Variants in THSD7B observed in about 807,000 individuals in gnomAD.
The protein encoded by THSD7B is thrombospondin type 1 domain containing 7B.
THSD7B carries 138 observed loss-of-function variants against 213.6 expected under a neutral mutation model. That is an observed-to-expected ratio of 0.65 (90% CI 0.56 to 0.74). The LOEUF (loss-of-function observed/expected upper bound fraction) is 0.74. Among genes scored for constraint, THSD7B ranks in the 30% least tolerant of loss-of-function variants. The probability of loss-of-function intolerance (pLI) is 0.00; values close to 1 mark genes in which losing one functional copy is unlikely to be tolerated. For synonymous variants in THSD7B, 742 were observed against 687.0 expected, an observed-to-expected ratio of 1.08 and a Z score of -1.25; for missense variants, 1,931 against 1,991.5, an observed-to-expected ratio of 0.97 and a Z score of 0.58.
intron 2 of THSD7B, among the ~76,000 whole-genome samples, chr2:136,884,286 T>C (rs1213770839): frequency 6.6e-6 from 1 of 152,224 alleles, no homozygotes; most frequent in African/African-American, 2.4e-5. Flanking sequence ...GCAGTGACCC[T>C]GAACTGTATC....
At chr2:137,211,060 T>A (rs959716050) in intron 7 of THSD7B, among the ~76,000 whole-genome samples, 9 of 152,026 alleles carry the variant, frequency 5.9e-5, no homozygotes, top group African/African-American at 1.9e-4. Context: ...CTCCACCTGT[T>A]AAAGTGAACA....
chr2:136,942,083 G>T (rs141605842), intron 2 of THSD7B, among the ~76,000 whole-genome samples: 2 of 152,126 alleles, frequency 1.3e-5, no homozygotes, highest in Non-Finnish European at 2.9e-5. Flanking sequence ...AGTTTTCCTA[G>T]CACCATTTAT....
At chr2:137,061,614 C>T (rs2104881714) in intron 3 of THSD7B, among the ~76,000 whole-genome samples, 1 of 151,192 alleles carries the variant, frequency 6.6e-6, no homozygotes, top group East Asian at 1.9e-4. Flanking sequence ...CTCTATTGAT[C>T]TGATTATATG....
intron 1 of THSD7B, among the ~76,000 whole-genome samples, chr2:136,796,413 C>A (rs1439059758): frequency 1.3e-5 from 2 of 151,816 alleles, no homozygotes; most frequent in African/African-American, 4.8e-5. Flanking sequence ...AACTTGCTGG[C>A]GACCGTGGAA....
intron 10 of THSD7B, among the ~76,000 whole-genome samples, chr2:137,257,605 A>G (rs1682339683): frequency 6.6e-6 from 1 of 152,208 alleles, no homozygotes; most frequent in African/African-American, 2.4e-5. Context: ...CTATTGTCAC[A>G]GAGCCCTAAA....
At chr2:136,926,705 G>GAA (rs58145302) in intron 2 of THSD7B, among the ~76,000 whole-genome samples, 3 of 149,016 alleles carry the variant, frequency 2.0e-5, no homozygotes, top group East Asian at 4.0e-4. Flanking sequence ...AAAAGAAAAA[G>GAA]AAAAAAAAAA....
intron 17 of THSD7B, among the ~76,000 whole-genome samples, chr2:137,581,339 G>C (rs1465362935): frequency 6.6e-6 from 1 of 152,162 alleles, no homozygotes; most frequent in Non-Finnish European, 1.5e-5. Context: ...TGTAATCCCA[G>C]CACTTTGGGA....
chr2:137,536,829 T>C (rs1436775763), intron 15 of THSD7B, among the ~76,000 whole-genome samples: 1 of 151,778 alleles, frequency 6.6e-6, no homozygotes, highest in Non-Finnish European at 1.5e-5. Flanking sequence ...ATTGCTTTTA[T>C]TTATTGCCGC....
Position 136,911,785 on chromosome 2 carries a change from G to GA in THSD7B, c.139+29469dup, listed in dbSNP as rs531948040. 5.2e-4 allele frequency among the ~76,000 whole-genome samples: 79 copies of GA among 152,304 alleles called. 4 individuals are homozygous for GA. The South Asian group carries it at 0.016, about 31-fold the overall frequency. On this transcript the variant is annotated intron_variant, in intron 2 of 27. Coordinates refer to ENST00000409968, the MANE Select transcript of THSD7B (RefSeq NM_001316349.2). ...GCATGCCATGCTACTACTACTACAA[G>GA]AGAGCGCTTTACAGCCACCAAATCC...
intron 2 of THSD7B, among the ~76,000 whole-genome samples, chr2:136,891,667 C>T (rs1430084065): frequency 1.3e-5 from 2 of 152,224 alleles, no homozygotes; most frequent in Non-Finnish European, 2.9e-5. Flanking sequence ...TCATCATTCT[C>T]TGCCCATCCA....
At chr2:137,139,475 G>A (rs767787046) in intron 5 of THSD7B, among the ~76,000 whole-genome samples, 2 of 152,148 alleles carry the variant, frequency 1.3e-5, no homozygotes, top group African/African-American at 4.8e-5. Context: ...CCAGTGCTTC[G>A]GTGGAACCCC....
intron 2 of THSD7B, chr2:136,906,575 G>A (rs985634497): frequency 6.6e-6 from 1 of 152,026 alleles, no homozygotes; most frequent in Non-Finnish European, 1.5e-5. Context: ...AAGTGAGTAT[G>A]GATTCATCAA....
intron 2 of THSD7B, among the ~76,000 whole-genome samples, chr2:136,935,194 AT>A (rs1684701510): frequency 1.3e-5 from 2 of 152,272 alleles, no homozygotes; most frequent in South Asian, 4.1e-4. Flanking sequence ...TTCATTTCAT[AT>A]TTGTATTTAT....
intron 9 of THSD7B, among the ~76,000 whole-genome samples, chr2:137,235,721 T>G (rs749758032): frequency 6.6e-6 from 1 of 152,196 alleles, no homozygotes; most frequent in Non-Finnish European, 1.5e-5. Flanking sequence ...TGTTTTAAAA[T>G]GTACATAAGT....
At chr2:136,892,084 G>A (rs900894563) in intron 2 of THSD7B, among the ~76,000 whole-genome samples, 2 of 151,966 alleles carry the variant, frequency 1.3e-5, no homozygotes, top group East Asian at 1.9e-4. Context: ...CAGGGCAGCC[G>A]GGATCCTTAC....
chr2:136,849,817 G>C (rs776727894), intron 1 of THSD7B, among the ~76,000 whole-genome samples: 1 of 151,938 alleles, frequency 6.6e-6, no homozygotes. Context: ...CATACAGAAA[G>C]GTAAAACAAA....
intron 19 of THSD7B, 80 bp from the exon 20 acceptor site, chr2:137,620,529 A>G: frequency 9.3e-7 from 1 of 1,076,172 alleles, no homozygotes; most frequent in Non-Finnish European, 1.4e-6. Flanking sequence ...AGAGTAAAGG[A>G]AAGTCTTTCC....
intron 2 of THSD7B, among the ~76,000 whole-genome samples, chr2:136,903,167 T>A (rs59824219): frequency 4.9e-4 from 66 of 133,868 alleles, no homozygotes; most frequent in African/African-American, 7.7e-4. Context: ...GTGTTTTTTT[T>A]AAAAAAAATA....
chr2:136,932,962 G>T (rs912887942), intron 2 of THSD7B, among the ~76,000 whole-genome samples: 1 of 152,122 alleles, frequency 6.6e-6, no homozygotes, highest in Non-Finnish European at 1.5e-5. Flanking sequence ...GGTCGACTTG[G>T]TGCAGATAAA....
Sources: gnomAD v4.1 joint callset for allele counts (sites outside exome capture counted in the v4.1 genomes callset) on GRCh38, gnomAD v4.1.1 for gene constraint, MANE v1.5 for transcripts, NCBI Gene and HGNC (gene_info 2026-07-23, HGNC 2026-07-21) for gene names.